CTNNBIP1: variants seen among roughly 807,000 people sequenced by gnomAD.
The protein encoded by CTNNBIP1 is beta-catenin-interacting protein 1.
A neutral mutation model predicts 11.8 loss-of-function variants in CTNNBIP1; 7 were observed. The observed-to-expected ratio is 0.60, with a 90% confidence interval of 0.34 to 1.12. CTNNBIP1 has a LOEUF of 1.12. Ranked by LOEUF, CTNNBIP1 falls within the 50% of genes most tolerant of loss-of-function variation. CTNNBIP1 has a pLI of 0.03. For synonymous variants in CTNNBIP1, 58 were observed against 43.9 expected, an observed-to-expected ratio of 1.32 and a Z score of -1.26; for missense variants, 101 against 113.4, an observed-to-expected ratio of 0.89 and a Z score of 0.50.
At position 9,849,032 on chromosome 1, in the gene CTNNBIP1, G is replaced by C. The variant is rs1041619565; in HGVS notation, c.*1686C>G. Reference sequence around the variant, plus strand: ...GTCCCACTGGCCCTGGGCACCTAGGGGCCTCAGCATCTACCAGCATAGGGG... The same window carrying C: ...GTCCCACTGGCCCTGGGCACCTAGGCGCCTCAGCATCTACCAGCATAGGGG... On this transcript the variant is annotated 3_prime_UTR_variant, in exon 6 of 6. Transcript: ENST00000377263. The C allele has an allele frequency of 2.0e-5, 3 of 152,250 alleles. No homozygotes were observed. The highest frequency in any genetic ancestry group is 4.4e-5 in the Non-Finnish European group (3 of 68,112). The allele number at this position is 152,250 out of a possible 1,614,324, so 9.4% of individuals were successfully genotyped here.
intron 5 of CTNNBIP1, among the ~76,000 whole-genome samples, chr1:9,856,040 C>T (rs767981369): frequency 3.9e-5 from 6 of 151,910 alleles, no homozygotes; most frequent in African/African-American, 9.7e-5. Flanking sequence ...CCCAGCTACT[C>T]GGGAAGCTGA....
At chr1:9,894,905 ATTTTTTTT>A (rs1175181254) in intron 1 of CTNNBIP1, among the ~76,000 whole-genome samples, 1 of 102,218 alleles carries the variant, frequency 9.8e-6, no homozygotes, top group African/African-American at 4.3e-5. Context: ...ATGCCTGGCT[ATTTTTTTT>A]TTTTTTTTTT....
At position 9,905,589 on chromosome 1, in the gene CTNNBIP1, A is replaced by AT. The variant is rs1215484495; in HGVS notation, c.-144+4505dup. ...AGGCGCCCGCCCCCATGCCCGGCTA[A>AT]TTTTTTTTTTTTTTGTATTTTTAGT... On this transcript the variant is annotated intron_variant, in intron 1 of 5. Coordinates refer to ENST00000377263, the MANE Select transcript of CTNNBIP1 (RefSeq NM_020248.3). Among the ~76,000 whole-genome samples the AT allele has an allele frequency of 7.1e-3, 1,016 of 143,296 alleles. 14 individuals are homozygous for AT. Among genetic ancestry groups the AT allele is most frequent in the African/African-American group, 0.018 (719 of 39,262 alleles). The allele number at this position is 143,296 out of a possible 152,430, so 94.0% of individuals were successfully genotyped here. A position where few individuals can be genotyped will look rare whatever the true frequency, so the allele number is the denominator to read the frequency against.
intron 1 of CTNNBIP1, among the ~76,000 whole-genome samples, chr1:9,892,420 TAAAAAAAAAAA>T (rs764342054): frequency 8.9e-6 from 1 of 112,302 alleles, no homozygotes; most frequent in Non-Finnish European, 1.9e-5. Context: ...AGACTCCGTC[TAAAAAAAAAAA>T]AAAAAAAAGA....
chr1:9,858,222 CCT>C (rs1284685617), intron 5 of CTNNBIP1, among the ~76,000 whole-genome samples: 1 of 152,150 alleles, frequency 6.6e-6, no homozygotes, highest in African/African-American at 2.4e-5. Context: ...CTCGCTGGCC[CCT>C]GATGGTCCAT....
At chr1:9,879,902 CATTTA>C (rs1409629514) in intron 2 of CTNNBIP1, among the ~76,000 whole-genome samples, 2 of 152,096 alleles carry the variant, frequency 1.3e-5, no homozygotes, top group Non-Finnish European at 2.9e-5. Flanking sequence ...TTCTATTTGT[CATTTA>C]ATTTTTTATT....
intron 5 of CTNNBIP1, among the ~76,000 whole-genome samples, chr1:9,865,228 CAAA>C (rs34199460): frequency 1.2e-5 from 1 of 86,462 alleles, no homozygotes; most frequent in African/African-American, 4.2e-5. Context: ...GACTCTGTCT[CAAA>C]AAAAAAAAAA....
intron 2 of CTNNBIP1, among the ~76,000 whole-genome samples, chr1:9,879,564 C>T (rs936521862): frequency 2.0e-5 from 3 of 152,186 alleles, no homozygotes; most frequent in Admixed American, 6.5e-5. Context: ...ACCGCCTCCA[C>T]CGTCAGACTA....
chr1:9,852,301 C>G (rs1233630415), intron 5 of CTNNBIP1, among the ~76,000 whole-genome samples: 3 of 152,244 alleles, frequency 2.0e-5, no homozygotes, highest in Non-Finnish European at 4.4e-5. Context: ...ATGCACAAGA[C>G]ACACCTTCCA....
chr1:9,892,620 G>A (rs1639330385), intron 1 of CTNNBIP1, among the ~76,000 whole-genome samples: 1 of 151,974 alleles, frequency 6.6e-6, no homozygotes, highest in South Asian at 2.1e-4. Context: ...AAGTTTTAAG[G>A]CCACTGCCTC....
intron 1 of CTNNBIP1, among the ~76,000 whole-genome samples, chr1:9,896,961 T>C (rs1474343630): frequency 5.5e-5 from 8 of 144,218 alleles, no homozygotes; most frequent in African/African-American, 1.6e-4. Flanking sequence ...AGTGAGATTC[T>C]GTCTCAAACA....
At chr1:9,864,502 G>A (rs1451236822) in intron 5 of CTNNBIP1, among the ~76,000 whole-genome samples, 2 of 152,166 alleles carry the variant, frequency 1.3e-5, no homozygotes, top group Non-Finnish European at 2.9e-5. Context: ...CTAATTTTTT[G>A]TATTTTTAGT....
Position 9,872,801 on chromosome 1 carries a change from A to G in CTNNBIP1, c.-24-713T>C, listed in dbSNP as rs1638892055. 6.6e-6 allele frequency among the ~76,000 whole-genome samples: 1 copy of G among 152,142 alleles called. No homozygotes were observed. Among genetic ancestry groups the G allele is most frequent in the Non-Finnish European group, 1.5e-5 (1 of 68,018 alleles). ...ATGCAGCAGGGACCTAACCTGTAGA[A>G]AGTCCCCAGGAGAGAAGTCCAGAGC... On this transcript the variant is annotated intron_variant, in intron 3 of 5. Transcript: ENST00000377263. This position sits in a 1 kb window ranked among gnomAD's most constrained non-coding sequence, Gnocchi z 4.0.
At chr1:9,890,666 G>A (rs1639282737) in intron 1 of CTNNBIP1, among the ~76,000 whole-genome samples, 2 of 152,118 alleles carry the variant, frequency 1.3e-5, no homozygotes, top group African/African-American at 4.8e-5. Context: ...CTCTTGCATG[G>A]GTACAAGCGC....
intron 1 of CTNNBIP1, among the ~76,000 whole-genome samples, chr1:9,905,846 T>C (rs1357656906): frequency 2.0e-5 from 3 of 152,204 alleles, no homozygotes; most frequent in African/African-American, 7.2e-5. Context: ...GCTACGTCCA[T>C]AGCATCCGCA....
At chr1:9,893,798 A>G (rs948415258) in intron 1 of CTNNBIP1, among the ~76,000 whole-genome samples, 1 of 152,216 alleles carries the variant, frequency 6.6e-6, no homozygotes, top group African/African-American at 2.4e-5. Flanking sequence ...AACGCACAGG[A>G]CAAAGCATGC....
chr1:9,895,352 C>T (rs1156280120), intron 1 of CTNNBIP1, among the ~76,000 whole-genome samples: 1 of 152,066 alleles, frequency 6.6e-6, no homozygotes, highest in Non-Finnish European at 1.5e-5. Flanking sequence ...GCACCCACCA[C>T]CATGCCCAGC....
At chr1:9,877,227 G>A (rs562514722) in intron 3 of CTNNBIP1, among the ~76,000 whole-genome samples, 1 of 152,330 alleles carries the variant, frequency 6.6e-6, no homozygotes, top group Admixed American at 6.5e-5. Flanking sequence ...GAGGCTGGAC[G>A]GCTGTGGCTC....
chr1:9,879,536 C>A (rs1639040291), intron 2 of CTNNBIP1, among the ~76,000 whole-genome samples: 1 of 152,182 alleles, frequency 6.6e-6, no homozygotes, highest in African/African-American at 2.4e-5. Flanking sequence ...GATAGGAGAG[C>A]TGTCACCCAC....
Sources: allele counts gnomAD v4.1 joint callset (sites outside exome capture counted in the v4.1 genomes callset), GRCh38; gene constraint gnomAD v4.1.1; non-coding constraint Gnocchi (gnomAD v3.1); transcripts MANE v1.5; gene names NCBI Gene and HGNC (gene_info 2026-07-23, HGNC 2026-07-21).